Variants in NR4A1 observed in about 807,000 individuals in gnomAD.
NR4A1 encodes nuclear receptor subfamily 4immunitygroup A member 1.
NR4A1 carries 24 observed loss-of-function variants against 47.5 expected under a neutral mutation model. The ratio of observed to expected loss-of-function variants is 0.50; its 90% confidence interval spans 0.37 to 0.71. The LOEUF is 0.71. NR4A1 is among the 30% of genes least tolerant of loss of function. NR4A1 has a pLI of 0.00. For synonymous variants in NR4A1, 353 were observed against 345.7 expected (o/e 1.02, Z -0.24); for missense variants, 669 against 788.6 (o/e 0.85, Z 1.82).
chr12:52,047,863 A>G (rs531459026), upstream of NR4A1, among the ~76,000 whole-genome samples: 1 of 152,384 alleles, frequency 6.6e-6, no homozygotes, highest in South Asian at 2.1e-4. Context: ...TCAAAGAGCT[A>G]GCAAGGCTGG....
intron 2 of NR4A1, chr12:52,055,411 A>T (rs1320506574): frequency 1.5e-5 from 10 of 652,788 alleles, no homozygotes; most frequent in Non-Finnish European, 2.4e-5. Context: ...ACTCGGGCCC[A>T]TGGGATTGCA....
In NR4A1 at chr12:52,058,711, C is replaced by T. The variant is rs202239995; in HGVS notation, c.1564C>T (p.Arg522Trp). The T allele has an allele frequency of 1.7e-3, 2,686 of 1,605,422 alleles. 5 individuals carry two copies. Among genetic ancestry groups the T allele is most frequent in the Middle Eastern group, 6.9e-3 (35 of 5,092 alleles). ...AGACCGGCATGGGCTGCAGGAGCCG[C>T]GGCGGGTGGAGGAGCTGCAGAACCG... ...ITDRHGLQEP[R>W]RVEELQNRIA... is the part of the protein sequence containing the mutation. Residue 522 changes from arginine (R) to tryptophan (W), a missense_variant, in exon 7 of 7, where the codon CGG (arginine) becomes TGG (tryptophan). Arg to Trp is a moderately radical substitution (Grantham distance 101). Coordinates refer to ENST00000394825, the MANE Select transcript of NR4A1 (RefSeq NM_173157.3).
upstream of NR4A1, among the ~76,000 whole-genome samples, chr12:52,048,424 C>T (rs1354192948): frequency 6.6e-6 from 1 of 151,976 alleles, no homozygotes; most frequent in African/African-American, 2.4e-5. Flanking sequence ...GAAACCCCGT[C>T]TCTGCTAAAA....
chr12:52,057,306 G>A lies in NR4A1; in HGVS notation c.1362-46G>A, dbSNP rs755463394. 8.1e-6 allele frequency: 13 copies of A among 1,613,870 alleles called. No homozygotes were observed. The Admixed American group carries it at 2.2e-4, about 27-fold the overall frequency. The stretch of plus-strand genomic sequence containing the variant: ...CCCAGCCCCTTTCCCTGATACACCT[G>A]CCTGTGAACCACCCTGATCGCTCTT... On this transcript the variant is annotated intron_variant, in intron 5 of 6. Transcript: ENST00000394825.
At chr12:52,038,650 T>C (rs1938328901) in intron 1 of NR4A1, 1 of 742,858 alleles carries the variant, frequency 1.3e-6, no homozygotes, top group Non-Finnish European at 2.5e-6. Flanking sequence ...ATCAGTGACT[T>C]GGATGGAGAC....
At chr12:52,034,395 T>C (rs988387644) in intron 1 of NR4A1, among the ~76,000 whole-genome samples, 1 of 152,218 alleles carries the variant, frequency 6.6e-6, no homozygotes, top group African/African-American at 2.4e-5. Flanking sequence ...GCTTGTCCTC[T>C]AGGAACCTCC....
At chr12:52,042,543 C>T (rs1033392573) in intron 2 of NR4A1, among the ~76,000 whole-genome samples, 1 of 152,118 alleles carries the variant, frequency 6.6e-6, no homozygotes, top group Non-Finnish European at 1.5e-5. Context: ...GAAGAGGAGA[C>T]TTAGGTACAG....
intron 1 of NR4A1, among the ~76,000 whole-genome samples, chr12:52,026,382 C>T (rs2120904107): frequency 6.6e-6 from 1 of 152,308 alleles, no homozygotes; most frequent in East Asian, 1.9e-4. Flanking sequence ...TACCTTTCAC[C>T]AAGAGCTTAT....
At chr12:52,040,776 G>A (rs1938403471) in intron 1 of NR4A1, among the ~76,000 whole-genome samples, 1 of 152,156 alleles carries the variant, frequency 6.6e-6, no homozygotes, top group African/African-American at 2.4e-5. Context: ...ACCCTCTGGG[G>A]TCCTCCTCCT....
chr12:52,030,094 A>G (rs1053572864), intron 1 of NR4A1, among the ~76,000 whole-genome samples: 1 of 152,220 alleles, frequency 6.6e-6, no homozygotes, highest in Non-Finnish European at 1.5e-5. Context: ...AGGCACAAAG[A>G]CATGGGCAGG....
Position 52,056,074 on chromosome 12 carries a change from G to A in NR4A1, c.921G>A (p.Lys307=), listed in dbSNP as rs758352811. 1.9e-6 allele frequency: 3 copies of A among 1,566,958 alleles called. No individual in the cohort carries two copies. The highest frequency in any genetic ancestry group is 2.6e-6 in the Non-Finnish European group (3 of 1,151,820). The stretch of plus-strand genomic sequence containing the variant: ...CCAAGTACATCTGCCTGGCTAACAA[G>A]GACTGCCCTGTGGACAAGAGGCGGC... ...KNAKYICLAN[K]DCPVDKRRRN... is the part of the protein sequence containing the mutation. Residue 307 remains lysine, a synonymous_variant, in exon 3 of 7, where the codon AAG becomes AAA. Transcript: ENST00000394825.
chr12:52,043,476 A>T, intron 2 of NR4A1: 5 of 255,724 alleles, frequency 2.0e-5, no homozygotes, highest in South Asian at 1.8e-4. Flanking sequence ...GGGGCTGCCA[A>T]CCGGGGCCCC....
intron 1 of NR4A1, chr12:52,038,173 T>A: frequency 1.4e-6 from 1 of 698,668 alleles, no homozygotes; most frequent in Non-Finnish European, 1.8e-6. Context: ...CAAGCGAATC[T>A]CCTGCCTCAG....
At chr12:52,027,844 C>T (rs149801946) in intron 1 of NR4A1, among the ~76,000 whole-genome samples, 6 of 152,284 alleles carry the variant, frequency 3.9e-5, no homozygotes, top group East Asian at 1.9e-4. Context: ...CTGAGAGTAA[C>T]GTGGCTAGGC....
intron 1 of NR4A1, among the ~76,000 whole-genome samples, chr12:52,033,260 A>C (rs1012525551): frequency 1.3e-5 from 2 of 151,638 alleles, no homozygotes; most frequent in Middle Eastern, 3.2e-3. Flanking sequence ...CGGGCCCCTC[A>C]GGGAGGACCC....
Position 52,051,562 on chromosome 12 carries a change from C to T in NR4A1, c.-9C>T. The T allele has an allele frequency of 1.0e-6, 1 of 985,986 alleles. No homozygotes were observed. Among genetic ancestry groups the T allele is most frequent in the African/African-American group, 1.7e-5 (1 of 57,370 alleles). The allele number at this position is 985,986 out of a possible 1,614,324, so 61.1% of individuals were successfully genotyped here. On this transcript the variant is annotated 5_prime_UTR_variant, in exon 1 of 7. Coordinates refer to ENST00000394825, the MANE Select transcript of NR4A1 (RefSeq NM_173157.3). ...CAGTCCGGGCAGGGGCAGCGGGAGC[C>T]GGCCGGGTAGGTTCCCTTCGGGGAA...
chr12:52,045,331 A>G (rs1938590419), intron 2 of NR4A1: 1 of 274,596 alleles, frequency 3.6e-6, no homozygotes, highest in Admixed American at 5.1e-5. Context: ...CCCGTTGCAG[A>G]CATGAGTTCC....
intron 2 of NR4A1, chr12:52,055,507 C>G: frequency 1.7e-6 from 1 of 571,428 alleles, no homozygotes; most frequent in Non-Finnish European, 3.1e-6. Context: ...GCTCCTCTGC[C>G]TGTCCTCTCC....
At chr12:52,031,635 T>C (rs932390743) in intron 1 of NR4A1, among the ~76,000 whole-genome samples, 5 of 151,908 alleles carry the variant, frequency 3.3e-5, no homozygotes, top group African/African-American at 1.2e-4. Flanking sequence ...AGACTCCGTC[T>C]CAAAACAAAC....
Sources: gnomAD v4.1 joint callset for allele counts (sites outside exome capture counted in the v4.1 genomes callset) on GRCh38, gnomAD v4.1.1 for gene constraint, MANE v1.5 for transcripts, NCBI Gene and HGNC (gene_info 2026-07-23, HGNC 2026-07-21) for gene names.